Variants in B3GAT2 observed in about 807,000 individuals in gnomAD.
B3GAT2 encodes galactosylgalactosylxylosylprotein 3-beta-glucuronosyltransferase 2.
Under a neutral mutation model 27.8 loss-of-function variants are expected in B3GAT2, and 26 were observed. The observed-to-expected ratio is 0.93, with a 90% CI of 0.68 to 1.30. B3GAT2 has a LOEUF of 1.30. Ranked by LOEUF, B3GAT2 falls within the 50% of genes most tolerant of loss-of-function variation. B3GAT2 has a pLI of 0.00. For synonymous variants in B3GAT2, 218 were observed against 195.1 expected (o/e 1.12, Z -0.98); for missense variants, 458 against 459.0 (o/e 1.00, Z 0.02).
chr6:70,956,721 G>C lies in B3GAT2; in HGVS notation c.-292C>G, dbSNP rs569875120. The C allele has an allele frequency of 1.7e-5, 23 of 1,326,444 alleles. No homozygotes were observed. The South Asian group carries it at 1.9e-4, about 11-fold the overall frequency. 82.2% of individuals were successfully genotyped at this position (1,326,444 alleles called of 1,614,324 possible). On this transcript the variant is annotated 5_prime_UTR_variant, in exon 1 of 4. Coordinates refer to ENST00000230053, the MANE Select transcript of B3GAT2 (RefSeq NM_080742.3). ...GGACTCGGTCCAGCCGCGCGCCGCC[G>C]GTCCCGGAGTTGTGCCGAGTGCGGG...
intron 1 of B3GAT2, among the ~76,000 whole-genome samples, chr6:70,951,108 T>C (rs926324178): frequency 6.6e-6 from 1 of 152,132 alleles, no homozygotes; most frequent in Admixed American, 6.6e-5. Flanking sequence ...GAATCAAATA[T>C]ATATGTGTTA....
At chr6:70,944,436 C>T (rs1236911333) in intron 1 of B3GAT2, among the ~76,000 whole-genome samples, 3 of 13,874 alleles carry the variant, frequency 2.2e-4, no homozygotes, top group Non-Finnish European at 4.3e-4. Context: ...CCACACATGG[C>T]GCCCACGGAG....
At chr6:70,898,963 AAAATAAATAAATAAAT>A (rs138877861) in intron 1 of B3GAT2, among the ~76,000 whole-genome samples, 1 of 149,530 alleles carries the variant, frequency 6.7e-6, no homozygotes, top group Admixed American at 6.7e-5. Context: ...ACCCTGGCTC[AAAATAAATAAATAAAT>A]AAATAAATAA....
intron 1 of B3GAT2, among the ~76,000 whole-genome samples, chr6:70,935,640 T>A (rs1250030245): frequency 6.6e-6 from 1 of 152,120 alleles, no homozygotes. Context: ...TTGCAACAGT[T>A]TAAAATGATT....
At position 70,902,261 on chromosome 6, in the gene B3GAT2, T is replaced by C. The variant is rs551761863; in HGVS notation, c.592-7989A>G. Among the ~76,000 whole-genome samples, 199 of 152,094 alleles carry C rather than the reference T, an allele frequency of 1.3e-3. 1 individual carries two copies. The highest frequency in any genetic ancestry group is 3.3e-3 in the Admixed American group (51 of 15,274). On this transcript the variant is annotated intron_variant, in intron 1 of 3. Coordinates refer to ENST00000230053, the MANE Select transcript of B3GAT2 (RefSeq NM_080742.3). ...ATAGTCAGTCGATTTCTGGCTAAGA[T>C]GCCAAGGCAGTTCAATGGGGGAAAA...
chr6:70,929,246 T>C (rs1773018978), intron 1 of B3GAT2, among the ~76,000 whole-genome samples: 1 of 151,934 alleles, frequency 6.6e-6, no homozygotes, highest in South Asian at 2.1e-4. Context: ...ATACCTAATG[T>C]AAATGACGAG....
chr6:70,950,767 A>G (rs980633934), intron 1 of B3GAT2, among the ~76,000 whole-genome samples: 1 of 152,258 alleles, frequency 6.6e-6, no homozygotes, highest in Non-Finnish European at 1.5e-5. Flanking sequence ...AAACAGAGAC[A>G]GTACTATTAC....
rs548053121 is a variant in B3GAT2, at chr6:70,875,798, C to T, written c.737-13820G>A. ...AAGGTATTTAGCAGTCATTATTTTC[C>T]ATGGAAAAAAGTGAAACACTCTGCA... On this transcript the variant is annotated intron_variant, in intron 2 of 3. Coordinates refer to ENST00000230053, the MANE Select transcript of B3GAT2 (RefSeq NM_080742.3). Among the ~76,000 whole-genome samples the T allele has an allele frequency of 1.3e-3, 201 of 152,132 alleles. 1 individual carries two copies. Among genetic ancestry groups the T allele is most frequent in the Non-Finnish European group, 2.0e-3 (135 of 67,996 alleles).
At chr6:70,867,268 AAAAG>A (rs1245748657) in intron 2 of B3GAT2, among the ~76,000 whole-genome samples, 1 of 152,082 alleles carries the variant, frequency 6.6e-6, no homozygotes, top group African/African-American at 2.4e-5. Context: ...ATAAATTAGA[AAAAG>A]AAAGCAAATG....
In B3GAT2 at chr6:70,956,799, G is replaced by A; in HGVS notation, c.-370C>T. Reference sequence around the variant, plus strand: ...TCTGAAGAGTGGAAGCCGAGAAGCGGCACCCGGTGCGCCTCGCCGCTCCAG... The same window carrying A: ...TCTGAAGAGTGGAAGCCGAGAAGCGACACCCGGTGCGCCTCGCCGCTCCAG... On this transcript the variant is annotated 5_prime_UTR_variant, in exon 1 of 4. Transcript: ENST00000230053. 9.3e-7 allele frequency: 1 copy of A among 1,080,700 alleles called. No homozygotes were observed. The highest frequency in any genetic ancestry group is 1.1e-6 in the Non-Finnish European group (1 of 890,868). The allele number at this position is 1,080,700 out of a possible 1,614,324, so 66.9% of individuals were successfully genotyped here.
intron 2 of B3GAT2, among the ~76,000 whole-genome samples, chr6:70,885,535 G>A (rs762948337): frequency 1.8e-4 from 27 of 152,062 alleles, no homozygotes; most frequent in Non-Finnish European, 3.4e-4. Context: ...ATGCCATCCT[G>A]CATGCTGAGC....
intron 1 of B3GAT2, among the ~76,000 whole-genome samples, chr6:70,931,335 T>TA (rs1460039863): frequency 2.7e-5 from 4 of 150,916 alleles, no homozygotes; most frequent in Non-Finnish European, 5.9e-5. Context: ...AGTATAATAA[T>TA]AAAAAAAGAA....
chr6:70,947,333 A>G (rs1488395826), intron 1 of B3GAT2, among the ~76,000 whole-genome samples: 2 of 152,174 alleles, frequency 1.3e-5, no homozygotes, highest in Non-Finnish European at 2.9e-5. Context: ...ATAGACCACT[A>G]GCAAGACTAA....
In B3GAT2 at chr6:70,858,390, G is replaced by A; in HGVS notation, c.*3273C>T. 1 of 594,398 alleles carries A rather than the reference G, an allele frequency of 1.7e-6. No individual in the cohort carries two copies. Among genetic ancestry groups the A allele is most frequent in the South Asian group, 2.8e-5 (1 of 35,132 alleles). The allele number at this position is 594,398 out of a possible 1,614,324, so 36.8% of individuals were successfully genotyped here. On this transcript the variant is annotated 3_prime_UTR_variant, in exon 4 of 4. Transcript: ENST00000230053. ...GGTCAAAAGTATCTATAAATATTATGAAGTTGTATCAGATAGACAAATGAT... is the reference window on the plus strand; with the variant it reads ...GGTCAAAAGTATCTATAAATATTATAAAGTTGTATCAGATAGACAAATGAT...
intron 2 of B3GAT2, among the ~76,000 whole-genome samples, chr6:70,862,914 C>T (rs1354042997): frequency 6.6e-6 from 1 of 152,138 alleles, no homozygotes; most frequent in Non-Finnish European, 1.5e-5. Context: ...GAGGTTGTGG[C>T]TGCTGTGAGC....
chr6:70,890,063 T>A (rs1289623391), intron 2 of B3GAT2, among the ~76,000 whole-genome samples: 1 of 152,106 alleles, frequency 6.6e-6, no homozygotes, highest in Non-Finnish European at 1.5e-5. Context: ...ATTATAGGTG[T>A]TAGCTACCAT....
chr6:70,896,688 T>C (rs1772392651), intron 1 of B3GAT2, among the ~76,000 whole-genome samples: 1 of 152,204 alleles, frequency 6.6e-6, no homozygotes, highest in African/African-American at 2.4e-5. Flanking sequence ...ATAGCTTCTT[T>C]CATTTGGCAT....
intron 2 of B3GAT2, among the ~76,000 whole-genome samples, chr6:70,873,055 G>A (rs1036891455): frequency 1.3e-5 from 2 of 151,974 alleles, no homozygotes; most frequent in African/African-American, 4.8e-5. Flanking sequence ...CTGATGACTG[G>A]TTTATGTAGC....
At position 70,956,029 on chromosome 6, in the gene B3GAT2, C is replaced by T; in HGVS notation, c.401G>A (p.Gly134Glu). Reference protein sequence around the residue: ...ELVSRFLARAGLPSTHLHVPT... With the variant: ...ELVSRFLARAELPSTHLHVPT... The stretch of plus-strand genomic sequence containing the variant: ...CACGTGCAGGTGAGTGCTGGGCAGC[C>T]CGGCCCGCGCCAGGAAGCGGCTCAC... Residue 134 changes from glycine to glutamate, a missense_variant, in exon 1 of 4, where the codon GGG (glycine) becomes GAG (glutamate). Gly to Glu is a moderately conservative substitution (Grantham distance 98). Transcript: ENST00000230053. 6.5e-7 allele frequency: 1 copy of T among 1,546,170 alleles called. No homozygotes were observed. The highest frequency in any genetic ancestry group is 8.7e-7 in the Non-Finnish European group (1 of 1,153,976).
Sources: gnomAD v4.1 joint callset for allele counts (sites outside exome capture counted in the v4.1 genomes callset) on GRCh38, gnomAD v4.1.1 for gene constraint, MANE v1.5 for transcripts, NCBI Gene and HGNC (gene_info 2026-07-23, HGNC 2026-07-21) for gene names.